The following KIF1A variants were observed in gnomAD, a reference collection of about 807,000 sequenced individuals.
KIF1A encodes kinesin-like protein KIF1A.
Under a neutral mutation model 227.3 loss-of-function variants are expected in KIF1A, and 46 were observed. The observed-to-expected ratio is 0.20, with a 90% confidence interval of 0.16 to 0.26. The LOEUF (loss-of-function observed/expected upper bound fraction) is 0.26. KIF1A is among the 10% of genes least tolerant of loss of function. The pLI, the probability that KIF1A is intolerant of heterozygous loss-of-function variation, is 1.00. For synonymous variants in KIF1A, 1,022 were observed against 1,012.8 expected, an observed-to-expected ratio of 1.01 and a Z score of -0.17; for missense variants, 1,683 against 2,485.9, an observed-to-expected ratio of 0.68 and a Z score of 6.87.
chr2:240,788,339 G>A lies in KIF1A; in HGVS notation c.184-109C>T, dbSNP rs903727141. The A allele has an allele frequency of 9.1e-6, 9 of 984,468 alleles. No homozygotes were observed. Among genetic ancestry groups the A allele is most frequent in the African/African-American group, 6.5e-5 (4 of 61,946 alleles). The allele number at this position is 984,468 out of a possible 1,614,324, so 61.0% of individuals were successfully genotyped here. On this transcript the variant is annotated intron_variant, in intron 3 of 48. Coordinates refer to ENST00000498729, the MANE Select transcript of KIF1A (RefSeq NM_001244008.2). The surrounding 1 kb of genome is among the most constrained non-coding windows in gnomAD (Gnocchi z 6.6). Reference sequence around the variant, plus strand: ...CCCAGGGCCTCAGGGTGCCAGGGCAGCACAGTGGGGAGGGATGCCTGCCCC... The same window carrying A: ...CCCAGGGCCTCAGGGTGCCAGGGCAACACAGTGGGGAGGGATGCCTGCCCC...
intron 25 of KIF1A, 92 bp downstream of exon 25, chr2:240,760,573 G>A (rs2050385724): frequency 3.0e-6 from 3 of 990,348 alleles, no homozygotes; most frequent in Admixed American, 3.9e-5. Context: ...GCAGGTACTC[G>A]CTGTGAAGCC....
rs1231529946 is a variant in KIF1A at position 240,763,067 on chromosome 2, G to A, written c.1974C>T (p.Tyr658=). The A allele has an allele frequency of 6.4e-6, 10 of 1,568,180 alleles. No individual in the cohort carries two copies. Among genetic ancestry groups the A allele is most frequent in the Non-Finnish European group, 8.6e-6 (10 of 1,159,032 alleles). ...AGGTGGCCTCCTCCCGCTCGCGGCG[G>A]TACTGGTCCTCCAGTTCCTGGAGCC... The part of the protein sequence containing the change: ...EQRLQELEDQ[Y]RREREEATYL... Residue 658 remains tyrosine, a synonymous_variant, in exon 22 of 49, where the codon TAC becomes TAT. Coordinates refer to ENST00000498729, the MANE Select transcript of KIF1A (RefSeq NM_001244008.2).
In KIF1A at chr2:240,763,270, G is replaced by A. The variant is rs1359428742; in HGVS notation, c.1845C>T (p.Arg615=). 3.1e-6 allele frequency: 5 copies of A among 1,611,166 alleles called. No individual in the cohort carries two copies. Among genetic ancestry groups the A allele is most frequent in the Non-Finnish European group, 4.2e-6 (5 of 1,179,048 alleles). Residue 615 remains arginine (R), a synonymous_variant, in exon 21 of 49, where the codon CGC becomes CGT. Transcript: ENST00000498729. ...HPEQARQERE[R]TPCAETPAEP... is the part of the protein sequence containing the mutation. ...CAGCTGGCGTCTCCGCACAAGGCGT[G>A]CGCTCACGCTCCTGCCGGGCCTGCT... is the stretch of plus-strand genomic sequence containing the variant.
rs1212608033 is a variant in KIF1A, at chr2:240,763,065, C to T, written c.1976G>A (p.Arg659His). ...QRLQELEDQYRREREEATYLL... is the reference protein window; with the variant it reads ...QRLQELEDQYHREREEATYLL... ...GTAGGTGGCCTCCTCCCGCTCGCGG[C>T]GGTACTGGTCCTCCAGTTCCTGGAG... The change falls in exon 22 of 49, where the codon CGC (arginine) becomes CAC (histidine). Residue 659 changes from arginine (R) to histidine (H), a missense_variant. By Grantham distance (29) the Arg-to-His change is conservative. Coordinates refer to ENST00000498729, the MANE Select transcript of KIF1A (RefSeq NM_001244008.2). The T allele has an allele frequency of 9.6e-6, 15 of 1,561,502 alleles. No individual in the cohort carries two copies. The highest frequency in any genetic ancestry group is 1.3e-5 in the Non-Finnish European group (15 of 1,155,770).
rs976674708 is a variant in KIF1A at position 240,792,276 on chromosome 2, G to T, written c.107-2964C>A. On this transcript the variant is annotated intron_variant, in intron 2 of 48. Transcript: ENST00000498729. This position sits in a 1 kb window ranked among gnomAD's most constrained non-coding sequence, Gnocchi z 4.5. ...TGGAGAAAGGGCTTTTTTTGCCAGG[G>T]TCTGGAATTTTTTCCTTGTGCAGGT... 1.3e-5 allele frequency among the ~76,000 whole-genome samples: 2 copies of T among 152,104 alleles called. No individual in the cohort carries two copies. The highest frequency in any genetic ancestry group is 4.8e-5 in the African/African-American group (2 of 41,428).
chr2:240,783,601 G>T, intron 8 of KIF1A, 138 bp downstream of exon 8: 1 of 652,390 alleles, frequency 1.5e-6, no homozygotes, highest in Non-Finnish European at 2.6e-6. Flanking sequence ...CAAGACCCCA[G>T]CCTATGCCCA....
chr2:240,774,049 C>A (rs560514473), intron 12 of KIF1A, 134 bp downstream of exon 12: 33 of 512,484 alleles, frequency 6.4e-5, no homozygotes, highest in Non-Finnish European at 1.1e-4. Context: ...TCTCTTCCAG[C>A]CTCACAGAGT....
chr2:240,734,022 C>T (rs2047042233), intron 38 of KIF1A, among the ~76,000 whole-genome samples: 2 of 152,226 alleles, frequency 1.3e-5, no homozygotes, highest in Admixed American at 1.3e-4. Context: ...AAAAGGGAGC[C>T]TCCTGCTGGA....
Position 240,789,814 on chromosome 2 carries a change from C to G in KIF1A, c.107-502G>C, listed in dbSNP as rs907015652. Reference sequence around the variant, plus strand: ...TCTAGGCTTGCTACTCCAGACAGAGCTCTATGGGACTGTCTTCTGCCAGAG... The same window carrying G: ...TCTAGGCTTGCTACTCCAGACAGAGGTCTATGGGACTGTCTTCTGCCAGAG... On this transcript the variant is annotated intron_variant, in intron 2 of 48. Transcript: ENST00000498729. The surrounding 1 kb of genome is among the most constrained non-coding windows in gnomAD (Gnocchi z 4.8). Among the ~76,000 whole-genome samples the G allele has an allele frequency of 3.3e-5, 5 of 152,252 alleles. No individual in the cohort carries two copies. Among genetic ancestry groups the G allele is most frequent in the African/African-American group, 9.6e-5 (4 of 41,546 alleles).
chr2:240,804,676 G>T (rs528841732), intron 1 of KIF1A, among the ~76,000 whole-genome samples: 5 of 152,130 alleles, frequency 3.3e-5, no homozygotes, highest in South Asian at 2.1e-4. Flanking sequence ...TCTGAATGAC[G>T]CCCAGCTCTA....
chr2:240,723,853 G>T, intron 41 of KIF1A, 122 bp downstream of exon 41: 1 of 900,602 alleles, frequency 1.1e-6, no homozygotes, highest in Non-Finnish European at 1.8e-6. Flanking sequence ...GAAGCCACAA[G>T]GTGAGTGCTT....
intron 43 of KIF1A, among the ~76,000 whole-genome samples, 192 bp downstream of exon 43, chr2:240,722,264 C>T (rs1415388837): frequency 6.6e-6 from 1 of 152,210 alleles, no homozygotes; most frequent in Non-Finnish European, 1.5e-5. Flanking sequence ...CTGCAAAAGG[C>T]ACCCAACTTT....
At chr2:240,802,323 A>G (rs2057043707) in intron 1 of KIF1A, among the ~76,000 whole-genome samples, 1 of 152,262 alleles carries the variant, frequency 6.6e-6, no homozygotes, top group Admixed American at 6.5e-5. Flanking sequence ...ACAAGTTAAT[A>G]GAAAAATATC....
chr2:240,812,533 C>T (rs1007265749), intron 1 of KIF1A, among the ~76,000 whole-genome samples: 2 of 151,650 alleles, frequency 1.3e-5, no homozygotes, highest in Admixed American at 6.6e-5. Flanking sequence ...TGGGGATCCA[C>T]CTTCACCTCA....
At chr2:240,786,263 G>A in intron 6 of KIF1A, 72 bp downstream of exon 6, 1 of 1,466,646 alleles carries the variant, frequency 6.8e-7, no homozygotes, top group African/African-American at 1.4e-5. Context: ...CAGGACCGAG[G>A]TGAAGGGGCT....
rs111879221 is a variant in KIF1A, at chr2:240,738,365, C to T, written c.3902-1197G>A. On this transcript the variant is annotated intron_variant, in intron 37 of 48. Coordinates refer to ENST00000498729, the MANE Select transcript of KIF1A (RefSeq NM_001244008.2). Reference sequence around the variant, plus strand: ...GCACCCACCCACTGCTCATGGACACCCGGGGTCTCTCCTCGACTTTCATCC... The same window carrying T: ...GCACCCACCCACTGCTCATGGACACTCGGGGTCTCTCCTCGACTTTCATCC... 7.8e-4 allele frequency among the ~76,000 whole-genome samples: 119 copies of T among 152,310 alleles called. 1 individual carries two copies. Among genetic ancestry groups the T allele is most frequent in the African/African-American group, 2.8e-3 (115 of 41,554 alleles).
At chr2:240,769,823 C>T (rs1004957600) in intron 15 of KIF1A, 117 bp from the exon 16 acceptor site, 6 of 745,702 alleles carry the variant, frequency 8.0e-6, no homozygotes, top group Admixed American at 4.8e-5. Context: ...TTCCTGGGCC[C>T]GACAAGGCAA....
chr2:240,810,878 C>T (rs747565925), intron 1 of KIF1A, among the ~76,000 whole-genome samples: 16 of 152,186 alleles, frequency 1.1e-4, no homozygotes, highest in Non-Finnish European at 1.9e-4. Context: ...CCCATCTGTC[C>T]GTCTTCCTCC....
chr2:240,770,821 TG>T, intron 15 of KIF1A, 149 bp downstream of exon 15: 1 of 940,040 alleles, frequency 1.1e-6, no homozygotes, highest in Non-Finnish European at 1.6e-6. Flanking sequence ...ACTGGGCACC[TG>T]GGTGGCCACA....
Sources: allele counts gnomAD v4.1 joint callset (sites outside exome capture counted in the v4.1 genomes callset), GRCh38; gene constraint gnomAD v4.1.1; non-coding constraint Gnocchi (gnomAD v3.1); transcripts MANE v1.5; gene names NCBI Gene and HGNC (gene_info 2026-07-23, HGNC 2026-07-21).